Variants in ADAMTS17 observed in about 807,000 individuals in gnomAD.
The protein encoded by ADAMTS17 is A disintegrin and metalloproteinase with thrombospondin motifs 17.
A neutral mutation model predicts 141.5 loss-of-function variants in ADAMTS17; 113 were observed. That is an observed-to-expected ratio of 0.80 (90% CI 0.69 to 0.93). The LOEUF (loss-of-function observed/expected upper bound fraction) is 0.93, where lower values mean the gene tolerates loss of function less well. Ranked by LOEUF, ADAMTS17 falls within the 40% of genes least tolerant of loss-of-function variation. ADAMTS17 has a pLI of 0.00. For missense variants in ADAMTS17, 1,659 were observed against 1,517.9 expected (o/e 1.09, Z -1.54); for synonymous variants, 768 against 630.6 (o/e 1.22, Z -3.27).
At chr15:100,075,414 C>T (rs74936159) in intron 15 of ADAMTS17, among the ~76,000 whole-genome samples, 5,932 of 152,190 alleles carry the variant, frequency 0.039, 413 homozygotes, top group African/African-American at 0.14. Context: ...CAAAAAATAA[C>T]TGTTCATTGT....
At chr15:100,237,314 C>G (rs1156970356) in intron 7 of ADAMTS17, among the ~76,000 whole-genome samples, 2 of 152,210 alleles carry the variant, frequency 1.3e-5, no homozygotes, top group Non-Finnish European at 2.9e-5. Context: ...TGGGCTTCTG[C>G]TCTTTGCTTT....
At chr15:100,188,602 CAA>C (rs1248604855) in intron 8 of ADAMTS17, among the ~76,000 whole-genome samples, 1 of 152,168 alleles carries the variant, frequency 6.6e-6, no homozygotes, top group Non-Finnish European at 1.5e-5. Context: ...TTGATGTGCT[CAA>C]GTTTAGCCAA....
intron 7 of ADAMTS17, among the ~76,000 whole-genome samples, chr15:100,218,272 T>C (rs1465984691): frequency 1.3e-5 from 2 of 152,216 alleles, no homozygotes; most frequent in South Asian, 2.1e-4. Context: ...CAATGTAACA[T>C]GTACTGAAAC....
At position 100,181,114 on chromosome 15, in the gene ADAMTS17, G is replaced by A. The variant is rs1216017362; in HGVS notation, c.1181+18204C>T. Among the ~76,000 whole-genome samples the A allele has an allele frequency of 3.3e-5, 5 of 151,916 alleles. 1 individual carries two copies. The highest frequency in any genetic ancestry group is 2.6e-4 in the Admixed American group (4 of 15,256). On this transcript the variant is annotated intron_variant, in intron 8 of 21. Transcript: ENST00000268070. ...CACCGCCACCACACAAGGCCCATGG[G>A]GAGTACTGCCAGGCTACCACAAGGT...
intron 18 of ADAMTS17, among the ~76,000 whole-genome samples, chr15:100,019,182 T>C (rs892901): frequency 6.6e-6 from 1 of 152,082 alleles, no homozygotes; most frequent in Non-Finnish European, 1.5e-5. Flanking sequence ...GTACATACCC[T>C]AAGAGACTAT....
chr15:100,227,133 T>G (rs1236106561), intron 7 of ADAMTS17, among the ~76,000 whole-genome samples: 2 of 152,006 alleles, frequency 1.3e-5, no homozygotes, highest in Non-Finnish European at 2.9e-5. Flanking sequence ...GAACCCCGAG[T>G]GCCCCCTCAG....
chr15:99,981,349 T>G (rs935379583), intron 20 of ADAMTS17, among the ~76,000 whole-genome samples: 8 of 148,166 alleles, frequency 5.4e-5, no homozygotes, highest in African/African-American at 1.6e-4. Context: ...AGTGCCCCCA[T>G]GAGGCAGGGC....
intron 4 of ADAMTS17, among the ~76,000 whole-genome samples, chr15:100,279,631 G>C (rs1213035174): frequency 6.6e-6 from 1 of 152,218 alleles, no homozygotes; most frequent in African/African-American, 2.4e-5. Context: ...CTGCTGATAA[G>C]CAGCAGACTG....
At chr15:99,992,908 A>G in intron 20 of ADAMTS17, 140 bp downstream of exon 20, 1 of 1,069,728 alleles carries the variant, frequency 9.3e-7, no homozygotes, top group South Asian at 1.4e-5. Flanking sequence ...GGGTAGTTGC[A>G]GCGGGTGGAA....
chr15:100,152,162 C>T (rs1050580912), intron 10 of ADAMTS17, among the ~76,000 whole-genome samples: 7 of 152,094 alleles, frequency 4.6e-5, no homozygotes, highest in Non-Finnish European at 1.0e-4. Context: ...TTAAATTTTC[C>T]CAATTTGATA....
At chr15:100,159,192 C>T (rs972296313) in intron 8 of ADAMTS17, among the ~76,000 whole-genome samples, 2 of 152,190 alleles carry the variant, frequency 1.3e-5, no homozygotes, top group African/African-American at 2.4e-5. Context: ...CAGCATTATT[C>T]ACAATAGCCA....
chr15:100,078,451 C>CAAGAATATTCATCGGGGA (rs2034524105), intron 15 of ADAMTS17, among the ~76,000 whole-genome samples: 1 of 151,878 alleles, frequency 6.6e-6, no homozygotes, highest in African/African-American at 2.4e-5. Flanking sequence ...ACAAAGGTGC[C>CAAGAATATTCATCGGGGA]AAGAATATTC....
chr15:100,112,668 C>A (rs2036860730), intron 13 of ADAMTS17, among the ~76,000 whole-genome samples: 1 of 152,080 alleles, frequency 6.6e-6, no homozygotes, highest in Non-Finnish European at 1.5e-5. Context: ...GTTATACAAC[C>A]ACACACTTGA....
Position 100,262,438 on chromosome 15 carries a change from A to G in ADAMTS17, c.790-3T>C, listed in dbSNP as rs1439852367. The G allele has an allele frequency of 1.2e-6, 2 of 1,610,846 alleles. No individual in the cohort carries two copies. The highest frequency in any genetic ancestry group is 1.7e-6 in the Non-Finnish European group (2 of 1,177,920). On this transcript the variant is annotated splice_polypyrimidine_tract_variant and splice_region_variant and intron_variant, in intron 4 of 21. Coordinates refer to ENST00000268070, the MANE Select transcript of ADAMTS17 (RefSeq NM_139057.4). ...TGGTGCTGAAACATATTGTATACCT[A>G]TCAAGACAGAAAAAAGAAATAAAGA...
chr15:100,187,940 C>T (rs978758081), intron 8 of ADAMTS17, among the ~76,000 whole-genome samples: 1 of 152,194 alleles, frequency 6.6e-6, no homozygotes, highest in Non-Finnish European at 1.5e-5. Context: ...CAGCAATAAC[C>T]AGGCGGGATG....
rs751763217 is a variant in ADAMTS17, at chr15:100,262,403, C to G, written c.822G>C (p.Gly274=). 2.5e-6 allele frequency: 4 copies of G among 1,613,810 alleles called. No individual in the cohort carries two copies. The highest frequency in any genetic ancestry group is 3.4e-6 in the Non-Finnish European group (4 of 1,179,886). The change falls in exon 5 of 22, where the codon GGG becomes GGC. Residue 274 remains glycine (G), a synonymous_variant. Transcript: ENST00000268070. ...VYNMFQHQSL[G]IKINIQVTKL... ...TGGTCACTTGAATGTTAATTTTAAT[C>G]CCCAGGCTCTGGTGCTGAAACATAT...
intron 15 of ADAMTS17, among the ~76,000 whole-genome samples, chr15:100,077,805 AAAG>A (rs1419836447): frequency 7.2e-5 from 11 of 152,206 alleles, no homozygotes; most frequent in Non-Finnish European, 1.2e-4. Context: ...TACAGATTGG[AAAG>A]AAGAAGTAAA....
intron 7 of ADAMTS17, among the ~76,000 whole-genome samples, chr15:100,202,627 C>T (rs1316302865): frequency 6.6e-6 from 1 of 152,168 alleles, no homozygotes; most frequent in Non-Finnish European, 1.5e-5. Context: ...CAAAGCCCAC[C>T]ACTATTCCAT....
At chr15:100,162,175 G>A (rs1422943012) in intron 8 of ADAMTS17, among the ~76,000 whole-genome samples, 1 of 152,010 alleles carries the variant, frequency 6.6e-6, no homozygotes, top group African/African-American at 2.4e-5. Flanking sequence ...GCCTCTCTAA[G>A]CTAACCAGAG....
Sources: gnomAD v4.1 joint callset for allele counts (sites outside exome capture counted in the v4.1 genomes callset) on GRCh38, gnomAD v4.1.1 for gene constraint, MANE v1.5 for transcripts, NCBI Gene and HGNC (gene_info 2026-07-23, HGNC 2026-07-21) for gene names.